The following FNDC1 variants were observed in gnomAD, a reference collection of about 807,000 sequenced individuals.
FNDC1 encodes fibronectin type III domain containing 1, also known as fibronectin type III domain-containing protein 1.
Under a neutral mutation model 168.0 loss-of-function variants are expected in FNDC1, and 96 were observed. That is an observed-to-expected ratio of 0.57 (90% CI 0.48 to 0.68). FNDC1 has a LOEUF of 0.68. Among genes scored for constraint, FNDC1 ranks in the 30% least tolerant of loss-of-function variants. The pLI, the probability that FNDC1 is intolerant of heterozygous loss-of-function variation, is 0.00. For missense variants in FNDC1, 2,587 were observed against 2,482.1 expected (o/e 1.04, Z -0.90); for synonymous variants, 1,099 against 1,025.9 (o/e 1.07, Z -1.36).
chr6:159,217,309 G>A (rs1394088820), intron 5 of FNDC1, among the ~76,000 whole-genome samples: 3 of 152,176 alleles, frequency 2.0e-5, no homozygotes, highest in Non-Finnish European at 2.9e-5. Flanking sequence ...TTGGACGGAA[G>A]CCCGGCGAGC....
chr6:159,176,112 A>T (rs1781755092), intron 1 of FNDC1, among the ~76,000 whole-genome samples: 1 of 152,156 alleles, frequency 6.6e-6, no homozygotes, highest in Non-Finnish European at 1.5e-5. Flanking sequence ...CTGGTTTATT[A>T]GGTCCTAATT....
In FNDC1 at chr6:159,232,381, C is replaced by G; in HGVS notation, c.1869C>G (p.His623Gln). 1 of 1,613,496 alleles carries G rather than the reference C, an allele frequency of 6.2e-7. No homozygotes were observed. The highest frequency in any genetic ancestry group is 8.5e-7 in the Non-Finnish European group (1 of 1,179,652). ...CGGCTTCGGCCTCTCCTGCCCACCA[C>G]GCGTCCACCCAGGGCACCTCTCATC... Reference protein sequence around the residue: ...PPSASASPAHHASTQGTSHRP... With the variant: ...PPSASASPAHQASTQGTSHRP... The change falls in exon 11 of 23, where the codon CAC (histidine) becomes CAG (glutamine). Residue 623 changes from histidine (H) to glutamine (Q), a missense_variant. Physicochemically the swap from His to Gln is conservative, Grantham distance 24 (BLOSUM62 0). Coordinates refer to ENST00000297267, the MANE Select transcript of FNDC1 (RefSeq NM_032532.3). The surrounding 1 kb of genome is among the most constrained non-coding windows in gnomAD (Gnocchi z 4.9).
Position 159,231,894 on chromosome 6 carries a change from A to T in FNDC1, c.1382A>T (p.Asp461Val), listed in dbSNP as rs771345941. Residue 461 changes from aspartate (D) to valine (V), a missense_variant, in exon 11 of 23, where the codon GAT (aspartate) becomes GTT (valine). Coordinates refer to ENST00000297267, the MANE Select transcript of FNDC1 (RefSeq NM_032532.3). ...AAATCTGTTGCAGCCAGTAAGGCGG[A>T]TGTTGAGCAGAACACGGAGGACAAT... The part of the protein sequence containing the change: ...IVAMPTTSKA[D>V]VEQNTEDNGK... The T allele has an allele frequency of 6.3e-7, 1 of 1,596,928 alleles. No homozygotes were observed. Among genetic ancestry groups the T allele is most frequent in the African/African-American group, 1.4e-5 (1 of 73,786 alleles).
chr6:159,237,984 C>A (rs928581220), intron 12 of FNDC1, among the ~76,000 whole-genome samples: 1 of 152,014 alleles, frequency 6.6e-6, no homozygotes, highest in Non-Finnish European at 1.5e-5. Flanking sequence ...GCATTAGACA[C>A]AATGTACTTA....
chr6:159,236,403 G>T, intron 12 of FNDC1, 88 bp downstream of exon 12: 4 of 860,684 alleles, frequency 4.6e-6, no homozygotes, highest in Non-Finnish European at 5.6e-6. Context: ...TAAATGAAGT[G>T]GTCTTTGTTT....
intron 22 of FNDC1, among the ~76,000 whole-genome samples, chr6:159,270,910 G>C (rs1442963211): frequency 6.6e-6 from 1 of 152,222 alleles, no homozygotes; most frequent in Admixed American, 6.5e-5. Flanking sequence ...CATGGGGAGA[G>C]AGAGATCATG....
At chr6:159,195,918 C>G (rs893614387) in intron 1 of FNDC1, among the ~76,000 whole-genome samples, 1 of 152,208 alleles carries the variant, frequency 6.6e-6, no homozygotes, top group Non-Finnish European at 1.5e-5. Context: ...GGGAGAAACA[C>G]TCAACCATGA....
rs1298438515 is a variant in FNDC1 at position 159,267,862 on chromosome 6, G to T, written c.5505G>T (p.Val1835=). ...WGRGEDHCQF[V]DSHLDGRTGP... ...GAGGTGAAGACCATTGCCAATTTGT[G>T]GATTCACACCTTGATGGAAGAACAG... Residue 1835 remains valine, a synonymous_variant, in exon 22 of 23, where the codon GTG becomes GTT. Transcript: ENST00000297267. 8 of 1,613,442 alleles carry T rather than the reference G, an allele frequency of 5.0e-6. No homozygotes were observed. Among genetic ancestry groups the T allele is most frequent in the Non-Finnish European group, 6.8e-6 (8 of 1,179,688 alleles).
chr6:159,268,825 TATCTATCTATCTATCTATCTATCTATC>T (rs1562315369), intron 22 of FNDC1, among the ~76,000 whole-genome samples: 16 of 30,682 alleles, frequency 5.2e-4, no homozygotes, highest in Non-Finnish European at 1.3e-3. Flanking sequence ...TCTATTCATC[TATCTATCTATCTATCTATCTATCTATC>T]TATCTATCTA....
chr6:159,267,939 A>G lies in FNDC1; in HGVS notation c.5569+13A>G. On this transcript the variant is annotated intron_variant, in intron 22 of 22. Coordinates refer to ENST00000297267, the MANE Select transcript of FNDC1 (RefSeq NM_032532.3). Reference sequence around the variant, plus strand: ...CCTACTATTCAAGGTAATACAAACAAATGCCTGATATATTATCCTAGGAGG... The same window carrying G: ...CCTACTATTCAAGGTAATACAAACAGATGCCTGATATATTATCCTAGGAGG... 1 of 1,603,126 alleles carries G rather than the reference A, an allele frequency of 6.2e-7. No individual in the cohort carries two copies. Among genetic ancestry groups the G allele is most frequent in the Non-Finnish European group, 8.5e-7 (1 of 1,174,206 alleles).
intron 16 of FNDC1, 80 bp downstream of exon 16, chr6:159,249,262 C>A: frequency 1.4e-6 from 2 of 1,392,496 alleles, no homozygotes; most frequent in Non-Finnish European, 1.9e-6. Context: ...AATCTTTTGG[C>A]CTCGCCAAGG....
At chr6:159,225,349 C>T (rs1237303863) in intron 7 of FNDC1, among the ~76,000 whole-genome samples, 186 bp from the exon 8 acceptor site, 1 of 151,928 alleles carries the variant, frequency 6.6e-6, no homozygotes, top group African/African-American at 2.4e-5. Context: ...GTTTTTTTCT[C>T]CCACTTTAGA....
At chr6:159,220,211 C>A (rs983768507) in intron 5 of FNDC1, among the ~76,000 whole-genome samples, 10 of 152,212 alleles carry the variant, frequency 6.6e-5, no homozygotes, top group African/African-American at 2.4e-4. Flanking sequence ...CATAAACAGT[C>A]CCTCTGTGTG....
chr6:159,238,690 A>C, intron 13 of FNDC1, 25 bp downstream of exon 13: 1 of 1,435,020 alleles, frequency 7.0e-7, no homozygotes. Flanking sequence ...TTTTTAAAGA[A>C]TAAAAGCCTA....
rs750004434 is a variant in FNDC1 at position 159,233,222 on chromosome 6, C to T, written c.2710C>T (p.Arg904Trp). Reference protein sequence around the residue: ...VPSSSRQPISRGWEDLRRSPQ... With the variant: ...VPSSSRQPISWGWEDLRRSPQ... Reference sequence around the variant, plus strand: ...TTCCTCCTCCAGGCAGCCCATCTCCCGGGGCTGGGAGGACTTAAGGAGAAG... The same window carrying T: ...TTCCTCCTCCAGGCAGCCCATCTCCTGGGGCTGGGAGGACTTAAGGAGAAG... Residue 904 changes from arginine (R) to tryptophan (W), a missense_variant, in exon 11 of 23, where the codon CGG becomes TGG. Physicochemically the swap from Arg to Trp is moderately radical, Grantham distance 101. Transcript: ENST00000297267. The surrounding 1 kb of genome is among the most constrained non-coding windows in gnomAD (Gnocchi z 4.6). 8.1e-6 allele frequency: 13 copies of T among 1,613,638 alleles called. No homozygotes were observed. The highest frequency in any genetic ancestry group is 1.0e-5 in the Non-Finnish European group (12 of 1,179,766).
At chr6:159,269,424 TGTAG>T (rs879852927) in intron 22 of FNDC1, among the ~76,000 whole-genome samples, 21,293 of 114,710 alleles carry the variant, frequency 0.19, 3,957 homozygotes, top group East Asian at 0.42. Flanking sequence ...TATGTATGTA[TGTAG>T]GTATCCATCC....
chr6:159,239,682 C>T lies in FNDC1; in HGVS notation c.4346C>T (p.Thr1449Ile), dbSNP rs1355267068. 1.3e-6 allele frequency: 2 copies of T among 1,551,606 alleles called. No homozygotes were observed. Among genetic ancestry groups the T allele is most frequent in the East Asian group, 2.4e-5 (1 of 40,904 alleles). The stretch of plus-strand genomic sequence containing the variant: ...AAAAAAACCACCCATCCCCCTACCA[C>T]TACCATGCAGCCCACCACTACTACG... ...VIKKTTHPPT[T>I]TMQPTTTTTP... Residue 1449 changes from threonine to isoleucine, a missense_variant, in exon 14 of 23, where the codon ACT becomes ATT. Transcript: ENST00000297267.
Position 159,234,344 on chromosome 6 carries a change from T to C in FNDC1, c.3832T>C (p.Trp1278Arg). Residue 1278 changes from tryptophan (W) to arginine (R), a missense_variant, in exon 11 of 23, where the codon TGG (tryptophan) becomes CGG (arginine). Coordinates refer to ENST00000297267, the MANE Select transcript of FNDC1 (RefSeq NM_032532.3). The part of the protein sequence containing the change: ...TVSPVAGTHP[W>R]PQYTTRAPPG... ...GAGCCCCGTCGCGGGCACCCACCCC[T>C]GGCCGCAGTACACCACGCGCGCCCC... The C allele has an allele frequency of 6.2e-7, 1 of 1,611,346 alleles. No homozygotes were observed. The highest frequency in any genetic ancestry group is 8.5e-7 in the Non-Finnish European group (1 of 1,178,836).
Position 159,239,518 on chromosome 6 carries a change from T to C in FNDC1, c.4182T>C (p.Asp1394=), listed in dbSNP as rs772137065. 1.3e-6 allele frequency: 2 copies of C among 1,584,000 alleles called. No individual in the cohort carries two copies. Among genetic ancestry groups the C allele is most frequent in the Non-Finnish European group, 1.7e-6 (2 of 1,162,574 alleles). The change falls in exon 14 of 23, where the codon GAT becomes GAC. Residue 1394 remains aspartate, a splice_region_variant and synonymous_variant. Coordinates refer to ENST00000297267, the MANE Select transcript of FNDC1 (RefSeq NM_032532.3). ...AGCTATTGGTTGATTTTGTTTCAGA[T>C]CTGGAAGGGACCCCCGTGGTGAGTC... ...KLGGDGRTIV[D]LEGTPVVSPD...
Sources: gnomAD v4.1 joint callset for allele counts (sites outside exome capture counted in the v4.1 genomes callset) on GRCh38, gnomAD v4.1.1 for gene constraint, Gnocchi (gnomAD v3.1) non-coding constraint, MANE v1.5 for transcripts, NCBI Gene and HGNC (gene_info 2026-07-23, HGNC 2026-07-21) for gene names.